Variants in SLC39A14 observed in about 807,000 individuals in gnomAD.
SLC39A14 encodes the protein solute carrier family 39 member 14, also known as metal cation symporter ZIP14.
Under a neutral mutation model 45.5 loss-of-function variants are expected in SLC39A14, and 19 were observed. The ratio of observed to expected loss-of-function variants is 0.42; its 90% confidence interval spans 0.29 to 0.61. SLC39A14 has a LOEUF of 0.61. Among genes scored for constraint, SLC39A14 ranks in the 20% least tolerant of loss-of-function variants. SLC39A14 has a pLI of 0.22. For synonymous variants in SLC39A14, 264 were observed against 251.3 expected, an observed-to-expected ratio of 1.05 and a Z score of -0.48; for missense variants, 447 against 616.5, an observed-to-expected ratio of 0.73 and a Z score of 2.91.
At chr8:22,417,867 G>A (rs1835982847) in intron 8 of SLC39A14, 32 bp downstream of exon 8, 1 of 1,578,692 alleles carries the variant, frequency 6.3e-7, no homozygotes, top group South Asian at 1.1e-5. Context: ...GGATGAGAGG[G>A]CGGCTAAGGG....
At chr8:22,387,280 C>T (rs528800844) in intron 1 of SLC39A14, among the ~76,000 whole-genome samples, 16 of 152,096 alleles carry the variant, frequency 1.1e-4, no homozygotes, top group East Asian at 1.9e-4. Context: ...CTTTTGGGTC[C>T]GCCCTGGTTT....
intron 1 of SLC39A14, among the ~76,000 whole-genome samples, chr8:22,383,469 G>C (rs908032134): frequency 3.3e-5 from 5 of 152,194 alleles, no homozygotes; most frequent in Admixed American, 1.3e-4. Flanking sequence ...GTGGGGTGGG[G>C]TATGGGGTGT....
At chr8:22,394,010 G>GT (rs35225179) in intron 1 of SLC39A14, among the ~76,000 whole-genome samples, 17,828 of 138,078 alleles carry the variant, frequency 0.13, 2,071 homozygotes, top group African/African-American at 0.32. Context: ...CTGAAGGGGT[G>GT]TTTTTTTTTT....
At chr8:22,413,798 A>G (rs1003360658) in intron 4 of SLC39A14, among the ~76,000 whole-genome samples, 6 of 152,140 alleles carry the variant, frequency 3.9e-5, no homozygotes, top group Non-Finnish European at 7.4e-5. Context: ...TGTTTTTGAG[A>G]CAGTCTCACT....
intron 1 of SLC39A14, among the ~76,000 whole-genome samples, chr8:22,380,769 C>T (rs934273656): frequency 6.7e-6 from 1 of 150,180 alleles, no homozygotes; most frequent in Non-Finnish European, 1.5e-5. Flanking sequence ...TTTGACCTCC[C>T]GGGCTCAAGT....
rs754700282 is a variant in SLC39A14 at position 22,404,896 on chromosome 8, G to A, written c.186G>A (p.Leu62=). ...GEGDSLTLQQ[L]KALLNHLDVG... ...GTGACAGCCTCACTCTGCAGCAGCT[G>A]AAGGCCCTACTCAACCACCTGGATG... Residue 62 remains leucine (L), a synonymous_variant, in exon 2 of 9, where the codon CTG becomes CTA. Coordinates refer to ENST00000381237, the MANE Select transcript of SLC39A14 (RefSeq NM_001128431.4). 7.4e-6 allele frequency: 12 copies of A among 1,614,060 alleles called. No homozygotes were observed. Among genetic ancestry groups the A allele is most frequent in the African/African-American group, 2.7e-5 (2 of 74,934 alleles).
intron 1 of SLC39A14, 98 bp from the exon 2 acceptor site, chr8:22,404,598 G>A (rs991502744): frequency 1.8e-6 from 2 of 1,128,190 alleles, no homozygotes; most frequent in Non-Finnish European, 2.6e-6. Flanking sequence ...AGAGACTGAG[G>A]GATAGTCTCA....
At chr8:22,401,837 C>T (rs749716390) in intron 1 of SLC39A14, among the ~76,000 whole-genome samples, 3 of 151,852 alleles carry the variant, frequency 2.0e-5, no homozygotes, top group Non-Finnish European at 4.4e-5. Flanking sequence ...TGCCCGGCCT[C>T]ATTTGTCTGT....
At chr8:22,380,547 T>TG (rs1833449165) in intron 1 of SLC39A14, among the ~76,000 whole-genome samples, 1 of 152,134 alleles carries the variant, frequency 6.6e-6, no homozygotes, top group South Asian at 2.1e-4. Context: ...CACGCACAGA[T>TG]GCAGTCGAAG....
At chr8:22,371,466 C>G (rs1231826133) in intron 1 of SLC39A14, among the ~76,000 whole-genome samples, 2 of 131,040 alleles carry the variant, frequency 1.5e-5, no homozygotes, top group African/African-American at 5.3e-5. Flanking sequence ...CGGAGTCTCG[C>G]TCTGTCGCCC....
intron 1 of SLC39A14, among the ~76,000 whole-genome samples, chr8:22,382,792 A>G (rs1833584090): frequency 6.6e-6 from 1 of 152,082 alleles, no homozygotes; most frequent in Non-Finnish European, 1.5e-5. Context: ...TCACCTCACC[A>G]TAGCCTCCGC....
intron 1 of SLC39A14, among the ~76,000 whole-genome samples, chr8:22,393,638 C>T (rs758804655): frequency 1.6e-4 from 25 of 152,076 alleles, no homozygotes; most frequent in Non-Finnish European, 2.5e-4. Context: ...TGGCAGTTTC[C>T]GTAGCCAAAT....
chr8:22,418,875 G>A (rs964745197), intron 8 of SLC39A14, among the ~76,000 whole-genome samples: 1 of 152,084 alleles, frequency 6.6e-6, no homozygotes, highest in African/African-American at 2.4e-5. Flanking sequence ...AGTGTTTAAA[G>A]TCCATAATAA....
At chr8:22,405,828 A>C (rs1427066999) in intron 2 of SLC39A14, among the ~76,000 whole-genome samples, 2 of 152,226 alleles carry the variant, frequency 1.3e-5, no homozygotes, top group Non-Finnish European at 2.9e-5. Context: ...CATCTCTGCT[A>C]ATCAGACTCT....
At chr8:22,380,050 C>T (rs1381435615) in intron 1 of SLC39A14, among the ~76,000 whole-genome samples, 2 of 151,732 alleles carry the variant, frequency 1.3e-5, no homozygotes, top group Admixed American at 1.3e-4. Context: ...GTATTCAATA[C>T]TATAAGTAAC....
intron 1 of SLC39A14, among the ~76,000 whole-genome samples, chr8:22,401,451 G>T (rs1834845938): frequency 6.6e-6 from 1 of 151,938 alleles, no homozygotes; most frequent in African/African-American, 2.4e-5. Context: ...ACTAAGGGAG[G>T]TGGTTAACAA....
At chr8:22,432,815 T>C (rs1836488475) in intron 8 of SLC39A14, among the ~76,000 whole-genome samples, 2 of 109,660 alleles carry the variant, frequency 1.8e-5, no homozygotes, top group African/African-American at 9.9e-5. Context: ...ACCCGGCTAT[T>C]TTGTTTTTTT....
chr8:22,398,713 C>T (rs1834663539), intron 1 of SLC39A14: 6 of 985,422 alleles, frequency 6.1e-6, no homozygotes, highest in Non-Finnish European at 7.2e-6. Context: ...AAAAGTGCAG[C>T]ATGCTGAACA....
intron 1 of SLC39A14, among the ~76,000 whole-genome samples, chr8:22,387,276 G>T (rs1461145064): frequency 6.6e-6 from 1 of 152,046 alleles, no homozygotes; most frequent in Non-Finnish European, 1.5e-5. Flanking sequence ...TGGGCTTTTG[G>T]GTCCGCCCTG....
Sources: allele counts gnomAD v4.1 joint callset (sites outside exome capture counted in the v4.1 genomes callset), GRCh38; gene constraint gnomAD v4.1.1; transcripts MANE v1.5; gene names NCBI Gene and HGNC (gene_info 2026-07-23, HGNC 2026-07-21).